Variants in CDH4 observed in about 807,000 individuals in gnomAD.
The protein encoded by CDH4 is cadherin 4, also known as cadherin-4.
In CDH4, 33 loss-of-function variants were observed where a neutral mutation model predicts 86.0. The observed-to-expected ratio is 0.38, with a 90% confidence interval of 0.29 to 0.51. CDH4 has a LOEUF of 0.51. Among genes scored for constraint, CDH4 ranks in the 20% least tolerant of loss-of-function variants. CDH4 has a pLI of 0.86. For missense variants in CDH4, 1,114 were observed against 1,307.4 expected (o/e 0.85, Z 2.28); for synonymous variants, 555 against 549.4 (o/e 1.01, Z -0.14).
intron 2 of CDH4, among the ~76,000 whole-genome samples, chr20:61,689,036 G>A (rs1036866706): frequency 6.6e-6 from 1 of 152,244 alleles, no homozygotes; most frequent in Admixed American, 6.5e-5. Context: ...TGTGTGTCTT[G>A]GGAGGATACC....
In CDH4 at chr20:61,269,955, GAGGGCCGGCC is replaced by G; in HGVS notation, c.169+15019_169+15028del. Among the ~76,000 whole-genome samples, 2 of 152,340 alleles carry G rather than the reference GAGGGCCGGCC, an allele frequency of 1.3e-5. No individual in the cohort carries two copies. Among genetic ancestry groups the G allele is most frequent in the Admixed American group, 1.3e-4 (2 of 15,302 alleles). ...CCAGAATCTGGCCCCCAGATGTGGA[GAGGGCCGGCC>G]GACCTTTGCGGCAGTCATTTTTCCA... On this transcript the variant is annotated intron_variant, in intron 2 of 15. Coordinates refer to ENST00000614565, the MANE Select transcript of CDH4 (RefSeq NM_001794.5). The surrounding 1 kb of genome is among the most constrained non-coding windows in gnomAD (Gnocchi z 5.3).
rs6061635 is a variant in CDH4, at chr20:61,548,683, A to G, written c.170-194880A>G. ...ACCCATTTTTAAGTAATTCAAAGAG[A>G]AGAGTGAGAAATTAGGAGTGTCTGA... On this transcript the variant is annotated intron_variant, in intron 2 of 15. Coordinates refer to ENST00000614565, the MANE Select transcript of CDH4 (RefSeq NM_001794.5). 6.2e-3 allele frequency among the ~76,000 whole-genome samples: 947 copies of G among 152,236 alleles called. 5 individuals are homozygous for G. Among genetic ancestry groups the G allele is most frequent in the African/African-American group, 0.022 (902 of 41,528 alleles).
At chr20:61,877,869 A>G (rs1275633774) in intron 7 of CDH4, among the ~76,000 whole-genome samples, 1 of 152,154 alleles carries the variant, frequency 6.6e-6, no homozygotes, top group Non-Finnish European at 1.5e-5. Flanking sequence ...GACCCCCGGA[A>G]CGTCCCTGGG....
chr20:61,867,134 G>A (rs1387432888), intron 6 of CDH4, among the ~76,000 whole-genome samples: 4 of 152,214 alleles, frequency 2.6e-5, no homozygotes, highest in African/African-American at 9.6e-5. Flanking sequence ...ACTCGCTCTG[G>A]GCGCATGCAT....
intron 4 of CDH4, among the ~76,000 whole-genome samples, chr20:61,830,743 G>A (rs1231675903): frequency 6.6e-6 from 1 of 152,254 alleles, no homozygotes; most frequent in South Asian, 2.1e-4. Context: ...GCAGGAGCGG[G>A]CGGCGCTGGC....
rs1417522628 is a variant in CDH4 at position 61,810,952 on chromosome 20, G to A, written c.577-33716G>A. ...GAGCCTGCAGAGCCTGCGTTATCCT[G>A]CACTGCAAATGATGCTGCATTTGTA... On this transcript the variant is annotated intron_variant, in intron 4 of 15. Transcript: ENST00000614565. This position sits in a 1 kb window ranked among gnomAD's most constrained non-coding sequence, Gnocchi z 4.3. Among the ~76,000 whole-genome samples the A allele has an allele frequency of 6.6e-6, 1 of 152,204 alleles. No individual in the cohort carries two copies. Among genetic ancestry groups the A allele is most frequent in the African/African-American group, 2.4e-5 (1 of 41,462 alleles).
intron 2 of CDH4, among the ~76,000 whole-genome samples, chr20:61,425,526 GAGA>G (rs1328386677): frequency 6.6e-6 from 1 of 152,256 alleles, no homozygotes; most frequent in African/African-American, 2.4e-5. Flanking sequence ...TCGAGCCTAG[GAGA>G]AGGACAGTGG....
intron 2 of CDH4, among the ~76,000 whole-genome samples, chr20:61,603,361 A>G (rs960569240): frequency 1.3e-5 from 2 of 152,202 alleles, no homozygotes; most frequent in Admixed American, 1.3e-4. Flanking sequence ...ACCACTCCGG[A>G]TGGCCCCTGC....
At chr20:61,874,644 C>T (rs539488884) in intron 7 of CDH4, among the ~76,000 whole-genome samples, 8 of 152,316 alleles carry the variant, frequency 5.3e-5, no homozygotes, top group South Asian at 2.1e-4. Flanking sequence ...ATTCACCACC[C>T]GCCCCTGGGG....
rs191193574 is a variant in CDH4, at chr20:61,594,048, G to T, written c.170-149515G>T. ...AGGAGGGAGGGGGAGCTGAGCTGGCGGGGAAGAGGGTAGGGGGAAGGGTTG... is the reference window on the plus strand; with the variant it reads ...AGGAGGGAGGGGGAGCTGAGCTGGCTGGGAAGAGGGTAGGGGGAAGGGTTG... On this transcript the variant is annotated intron_variant, in intron 2 of 15. Transcript: ENST00000614565. 2.8e-5 allele frequency among the ~76,000 whole-genome samples: 3 copies of T among 106,494 alleles called. No homozygotes were observed. In the Admixed American group the frequency reaches 2.9e-4, roughly 10 times the overall value. The allele number at this position is 106,494 out of a possible 152,430, so 69.9% of individuals were successfully genotyped here.
intron 4 of CDH4, among the ~76,000 whole-genome samples, chr20:61,834,565 G>A (rs1346223107): frequency 2.0e-5 from 3 of 152,188 alleles, no homozygotes; most frequent in Non-Finnish European, 2.9e-5. Flanking sequence ...AGGTGGGGAC[G>A]CGTGCATTAA....
chr20:61,849,389 C>T (rs903689829), intron 5 of CDH4, among the ~76,000 whole-genome samples: 26 of 152,216 alleles, frequency 1.7e-4, no homozygotes, highest in African/African-American at 5.3e-4. Flanking sequence ...TCAGCACAAA[C>T]TTAGTGGCTG....
intron 3 of CDH4, among the ~76,000 whole-genome samples, chr20:61,764,858 C>G (rs1208525902): frequency 3.9e-5 from 6 of 152,170 alleles, no homozygotes; most frequent in African/African-American, 1.2e-4. Context: ...TCATGCAGGT[C>G]GCAGGGCCCA....
intron 2 of CDH4, among the ~76,000 whole-genome samples, chr20:61,621,832 C>T (rs2086780758): frequency 6.6e-6 from 1 of 152,200 alleles, no homozygotes; most frequent in Non-Finnish European, 1.5e-5. Flanking sequence ...GATGAAAACG[C>T]TCTTTGGAAT....
intron 2 of CDH4, among the ~76,000 whole-genome samples, chr20:61,739,695 G>A (rs1337364138): frequency 6.6e-6 from 1 of 152,204 alleles, no homozygotes; most frequent in Non-Finnish European, 1.5e-5. Context: ...CGGGCTTGGA[G>A]CCCAGGCCCA....
chr20:61,571,261 C>T (rs142174453), intron 2 of CDH4, among the ~76,000 whole-genome samples: 2 of 152,300 alleles, frequency 1.3e-5, no homozygotes, highest in Admixed American at 6.5e-5. Context: ...CCTGGTCCTT[C>T]CACAGCCTTT....
At chr20:61,667,442 A>G (rs2087339296) in intron 2 of CDH4, among the ~76,000 whole-genome samples, 1 of 152,242 alleles carries the variant, frequency 6.6e-6, no homozygotes, top group African/African-American at 2.4e-5. Context: ...AAGGTCACAG[A>G]GCCAGAAAGT....
intron 2 of CDH4, among the ~76,000 whole-genome samples, chr20:61,570,979 A>G (rs1236894759): frequency 6.6e-6 from 1 of 152,118 alleles, no homozygotes; most frequent in Non-Finnish European, 1.5e-5. Flanking sequence ...TTGTAGCTGG[A>G]AGATTCGCCG....
chr20:61,603,099 AG>A (rs1423862125), intron 2 of CDH4, among the ~76,000 whole-genome samples: 3 of 152,286 alleles, frequency 2.0e-5, no homozygotes, highest in African/African-American at 7.2e-5. Flanking sequence ...CTCTCAGTCT[AG>A]TTCAAGAGGT....
Sources: allele counts gnomAD v4.1 joint callset (sites outside exome capture counted in the v4.1 genomes callset), GRCh38; gene constraint gnomAD v4.1.1; non-coding constraint Gnocchi (gnomAD v3.1); transcripts MANE v1.5; gene names NCBI Gene and HGNC (gene_info 2026-07-23, HGNC 2026-07-21).